The following SF1 variants were observed in gnomAD, a reference collection of about 807,000 sequenced individuals.
SF1 encodes branch point-binding protein.
Under a neutral mutation model 62.5 loss-of-function variants are expected in SF1, and 7 were observed. That is an observed-to-expected ratio of 0.11 (90% CI 0.06 to 0.21). The LOEUF (loss-of-function observed/expected upper bound fraction) is 0.21, where lower values mean the gene tolerates loss of function less well. Ranked by LOEUF, SF1 falls within the 10% of genes least tolerant of loss-of-function variation. The probability of loss-of-function intolerance (pLI) is 1.00; values close to 1 mark genes in which losing one functional copy is unlikely to be tolerated. For synonymous variants in SF1, 394 were observed against 323.6 expected (o/e 1.22, Z -2.33); for missense variants, 578 against 884.0 (o/e 0.65, Z 4.39).
intron 1 of SF1, 144 bp from the exon 2 acceptor site, chr11:64,776,770 A>G: frequency 1.4e-6 from 1 of 739,682 alleles, no homozygotes; most frequent in Non-Finnish European, 2.1e-6. Flanking sequence ...AAAAAACAGA[A>G]AACAAACCTC....
In SF1 at chr11:64,772,894, C is replaced by A. The variant is rs886080719; in HGVS notation, c.236+536G>T. 2.3e-5 allele frequency: 23 copies of A among 986,602 alleles called. No homozygotes were observed. The South Asian group carries it at 1.1e-3, about 45-fold the overall frequency. 61.1% of individuals were successfully genotyped at this position (986,602 alleles called of 1,614,324 possible). A position where few individuals can be genotyped will look rare whatever the true frequency, so the allele number is the denominator to read the frequency against. ...CTCCCAACACCCCCAAGGCAATGGCCAAGGCTGAAAGTTAACTGGCAGTGA... is the reference window on the plus strand; with the variant it reads ...CTCCCAACACCCCCAAGGCAATGGCAAAGGCTGAAAGTTAACTGGCAGTGA... On this transcript the variant is annotated intron_variant, in intron 3 of 12. Coordinates refer to ENST00000377390, the MANE Select transcript of SF1 (RefSeq NM_004630.4).
intron 3 of SF1, chr11:64,771,340 G>C: frequency 1.7e-6 from 1 of 582,702 alleles, no homozygotes; most frequent in African/African-American, 2.0e-5. Context: ...TTTGAGTTAA[G>C]ATTACAAAAA....
At chr11:64,776,654 A>T (rs1939293509) in intron 1 of SF1, 28 bp from the exon 2 acceptor site, 8 of 1,603,306 alleles carry the variant, frequency 5.0e-6, no homozygotes, top group African/African-American at 1.4e-5. Context: ...AATCCATCCG[A>T]TGTAAATACA....
intron 1 of SF1, chr11:64,777,720 C>CTA (rs1328714918): frequency 1.0e-6 from 1 of 985,566 alleles, no homozygotes; most frequent in South Asian, 4.7e-5. Context: ...GGCCCCCAGT[C>CTA]TATACAGTTG....
rs2058743525 is a variant in SF1 at position 64,767,255 on chromosome 11, G to A, written c.1343-4C>T. 19 of 1,613,822 alleles carry A rather than the reference G, an allele frequency of 1.2e-5. No homozygotes were observed. The highest frequency in any genetic ancestry group is 1.7e-5 in the Admixed American group (1 of 60,002). On this transcript the variant is annotated splice_polypyrimidine_tract_variant and splice_region_variant and intron_variant, in intron 10 of 12. Transcript: ENST00000377390. ...GGCGTACTTCCCAGGTACTGATCTT[G>A]ATGGAAGGAAAGAGCAGGGACTTAG... is the stretch of plus-strand genomic sequence containing the variant.
intron 2 of SF1, among the ~76,000 whole-genome samples, chr11:64,774,913 A>G (rs549232524): frequency 4.0e-5 from 6 of 151,440 alleles, no homozygotes; most frequent in South Asian, 2.1e-4. Flanking sequence ...GTGAGCCGAG[A>G]TCGCACCACT....
Position 64,768,226 on chromosome 11 carries a change from G to C in SF1, c.948C>G (p.Leu316=). The change falls in exon 9 of 13, where the codon CTC becomes CTG. Residue 316 remains leucine (L), a synonymous_variant. Transcript: ENST00000377390. ...KARMDKEYLS[L]MAELGEAPVP... ...CAGGTGCTTCACCCAGTTCAGCCATGAGGGACAAATATTCTTTATCCATCC... is the reference window on the plus strand; with the variant it reads ...CAGGTGCTTCACCCAGTTCAGCCATCAGGGACAAATATTCTTTATCCATCC... 1.2e-6 allele frequency: 2 copies of C among 1,613,968 alleles called. No homozygotes were observed. Among genetic ancestry groups the C allele is most frequent in the Non-Finnish European group, 1.7e-6 (2 of 1,179,932 alleles).
chr11:64,769,782 G>C (rs1418587948), intron 5 of SF1, 173 bp from the exon 6 acceptor site: 1 of 741,668 alleles, frequency 1.3e-6, no homozygotes. Context: ...CTGAGGATTT[G>C]ACTTCTCCGC....
At chr11:64,768,393 C>T (rs1937700053) in intron 8 of SF1, 107 bp from the exon 9 acceptor site, 1 of 1,001,128 alleles carries the variant, frequency 1.0e-6, no homozygotes, top group Non-Finnish European at 1.5e-6. Flanking sequence ...AATTCAATCA[C>T]CAGATCATCA....
At chr11:64,768,042 A>G in intron 9 of SF1, 64 bp downstream of exon 9, 1 of 1,532,192 alleles carries the variant, frequency 6.5e-7, no homozygotes, top group Non-Finnish European at 8.8e-7. Flanking sequence ...ACGTGGCCAT[A>G]GCTCCCAGTC....
At position 64,765,377 on chromosome 11, in the gene SF1, C is replaced by G. The variant is rs761345970; in HGVS notation, c.*441G>C. The G allele has an allele frequency of 1.9e-6, 2 of 1,073,846 alleles. No individual in the cohort carries two copies. Among genetic ancestry groups the G allele is most frequent in the Non-Finnish European group, 2.8e-6 (2 of 703,158 alleles). 66.5% of individuals were successfully genotyped at this position (1,073,846 alleles called of 1,614,324 possible). A position where few individuals can be genotyped will look rare whatever the true frequency, so the allele number is the denominator to read the frequency against. ...GGAGCCAGCGTGTTCCGATTCCGTC[C>G]ACAAAAATAACTCAGGCTGCTTTGC... is the stretch of plus-strand genomic sequence containing the variant. On this transcript the variant is annotated 3_prime_UTR_variant, in exon 13 of 13. Coordinates refer to ENST00000377390, the MANE Select transcript of SF1 (RefSeq NM_004630.4).
At chr11:64,771,922 G>GT in intron 3 of SF1, 1 of 985,354 alleles carries the variant, frequency 1.0e-6, no homozygotes, top group South Asian at 4.7e-5. Context: ...ATAGAAGGGA[G>GT]GAAAAACCCT....
At chr11:64,766,242 C>T (rs1216444837) in intron 12 of SF1, 87 bp from the exon 13 acceptor site, 22 of 507,382 alleles carry the variant, frequency 4.3e-5, no homozygotes, top group Non-Finnish European at 5.6e-5. Context: ...GGGCGAGGGG[C>T]GCCTGCTCCT....
At chr11:64,769,732 G>C in intron 5 of SF1, 123 bp from the exon 6 acceptor site, 1 of 927,136 alleles carries the variant, frequency 1.1e-6, no homozygotes, top group South Asian at 1.6e-5. Flanking sequence ...TTCCCACCAA[G>C]AGCTCCATGA....
rs1047231153 is a variant in SF1, at chr11:64,765,622, G to A, written c.*196C>T. The A allele has an allele frequency of 1.3e-5, 19 of 1,497,316 alleles. No homozygotes were observed. The highest frequency in any genetic ancestry group is 2.5e-4 in the Middle Eastern group (1 of 3,986). The allele number at this position is 1,497,316 out of a possible 1,614,324, so 92.8% of individuals were successfully genotyped here. A position where few individuals can be genotyped will look rare whatever the true frequency, so the allele number is the denominator to read the frequency against. On this transcript the variant is annotated 3_prime_UTR_variant, in exon 13 of 13. Coordinates refer to ENST00000377390, the MANE Select transcript of SF1 (RefSeq NM_004630.4). Reference sequence around the variant, plus strand: ...GGGCGCCAGGAGAGCCCAAGCTGGCGCCCCTACTACCACCTGCCCGTTCCC... The same window carrying A: ...GGGCGCCAGGAGAGCCCAAGCTGGCACCCCTACTACCACCTGCCCGTTCCC...
chr11:64,767,583 G>A lies in SF1; in HGVS notation c.1330C>T (p.Pro444Ser). 1 of 1,562,172 alleles carries A rather than the reference G, an allele frequency of 6.4e-7. No homozygotes were observed. Among genetic ancestry groups the A allele is most frequent in the Non-Finnish European group, 8.6e-7 (1 of 1,157,374 alleles). ...QGPHPPGHHG[P>S]PPMDQYLGST... ...GACACTTACTTACCCATTGGAGGAGGGCCATGGTGCCCAGGAGGGTGGGGG... is the reference window on the plus strand; with the variant it reads ...GACACTTACTTACCCATTGGAGGAGAGCCATGGTGCCCAGGAGGGTGGGGG... The change falls in exon 10 of 13, where the codon CCT (proline) becomes TCT (serine). Residue 444 changes from proline to serine, a missense_variant. Pro to Ser is a moderately conservative substitution (Grantham distance 74). This residue lies in a region of SF1 where 410 missense variants were observed against 452.4 expected (regional missense o/e 0.91). Transcript: ENST00000377390.
At chr11:64,777,988 T>A in intron 1 of SF1, 3 of 994,138 alleles carry the variant, frequency 3.0e-6, no homozygotes, top group Non-Finnish European at 3.6e-6. Context: ...CCGACTCACC[T>A]CCTCCGCCGC....
chr11:64,767,740 T>A lies in SF1; in HGVS notation c.1173A>T (p.Gly391=). 1 of 1,612,976 alleles carries A rather than the reference T, an allele frequency of 6.2e-7. No homozygotes were observed. The highest frequency in any genetic ancestry group is 8.5e-7 in the Non-Finnish European group (1 of 1,179,546). The change falls in exon 10 of 13, where the codon GGA becomes GGT. Residue 391 remains glycine (G), a synonymous_variant. Transcript: ENST00000377390. ...GMHGGGPGGP[G]GGPHSFPHPL... ...GGTGTGGGAAGCTGTGGGGGCCACC[T>A]CCGGGCCCACCAGGACCACCTCCAT...
intron 1 of SF1, 27 bp downstream of exon 1, chr11:64,778,335 G>T (rs1298453437): frequency 2.4e-6 from 3 of 1,225,706 alleles, no homozygotes; most frequent in African/African-American, 3.1e-5. Flanking sequence ...CCGGGGAGCG[G>T]GGGCAGCCCG....
Sources: gnomAD v4.1 joint callset for allele counts (sites outside exome capture counted in the v4.1 genomes callset) on GRCh38, gnomAD v4.1.1 for gene constraint, gnomAD v4.1.1 regional missense constraint, MANE v1.5 for transcripts, NCBI Gene and HGNC (gene_info 2026-07-23, HGNC 2026-07-21) for gene names.